UGT1A6: variants seen among roughly 807,000 people sequenced by gnomAD.
UGT1A6 encodes the protein UDP glucuronosyltransferase family 1 member A6.
A neutral mutation model predicts 44.4 loss-of-function variants in UGT1A6; 32 were observed. The observed-to-expected ratio is 0.72, with a 90% CI of 0.54 to 0.97. UGT1A6 has a LOEUF of 0.97. Among genes scored for constraint, UGT1A6 ranks in the 50% least tolerant of loss-of-function variants. The probability of loss-of-function intolerance (pLI) is 0.00; values close to 1 mark genes in which losing one functional copy is unlikely to be tolerated. For missense variants in UGT1A6, 685 were observed against 661.9 expected (o/e 1.03, Z -0.38); for synonymous variants, 238 against 248.5 (o/e 0.96, Z 0.40).
chr2:233,718,172 C>T lies in UGT1A6; in HGVS notation c.861+24307C>T, dbSNP rs559286089. 3.8e-5 allele frequency: 9 copies of T among 238,986 alleles called. No individual in the cohort carries two copies. In the East Asian group the frequency reaches 7.1e-4, roughly 19 times the overall value. 14.8% of individuals were successfully genotyped at this position (238,986 alleles called of 1,614,324 possible). Reference sequence around the variant, plus strand: ...AGCCTTCCCAAGAATATGATCATCACATCTTGAGCTCAGCCTCCCCGGAGC... The same window carrying T: ...AGCCTTCCCAAGAATATGATCATCATATCTTGAGCTCAGCCTCCCCGGAGC... On this transcript the variant is annotated intron_variant, in intron 1 of 4. Transcript: ENST00000305139.
chr2:233,706,240 T>C (rs2125603335), intron 1 of UGT1A6, among the ~76,000 whole-genome samples: 1 of 151,882 alleles, frequency 6.6e-6, no homozygotes, highest in East Asian at 1.9e-4. Context: ...GCTGGGAGAG[T>C]GAGAGAACCA....
At position 233,693,225 on chromosome 2, in the gene UGT1A6, C is replaced by A. The variant is rs750266528; in HGVS notation, c.221C>A (p.Thr74Lys). 6 of 1,614,160 alleles carry A rather than the reference C, an allele frequency of 3.7e-6. No individual in the cohort carries two copies. In the South Asian group the frequency reaches 6.6e-5, roughly 18 times the overall value. ...NLLLKESKYY[T>K]RKIYPVPYDQ... is the part of the protein sequence containing the mutation. ...CTTTTGAAAGAATCCAAATACTACA[C>A]AAGAAAAATCTATCCAGTGCCGTAT... is the stretch of plus-strand genomic sequence containing the variant. The change falls in exon 1 of 5, where the codon ACA (threonine) becomes AAA (lysine). Residue 74 changes from threonine to lysine, a missense_variant. By Grantham distance (78) the Thr-to-Lys change is moderately conservative. Coordinates refer to ENST00000305139, the MANE Select transcript of UGT1A6 (RefSeq NM_001072.4).
intron 1 of UGT1A6, among the ~76,000 whole-genome samples, chr2:233,702,368 CGTAGGATTTT>C (rs1383754925): frequency 6.6e-6 from 1 of 151,930 alleles, no homozygotes; most frequent in African/African-American, 2.4e-5. Context: ...TAGTGGATTT[CGTAGGATTTT>C]CTACATTCCA....
chr2:233,694,576 A>G (rs953285020), intron 1 of UGT1A6, among the ~76,000 whole-genome samples: 9 of 152,212 alleles, frequency 5.9e-5, no homozygotes, highest in Admixed American at 3.9e-4. Flanking sequence ...ATTTCAATGT[A>G]AATATTTACA....
At chr2:233,728,977 G>C (rs1437469513) in intron 1 of UGT1A6, 13 of 1,494,456 alleles carry the variant, frequency 8.7e-6, no homozygotes, top group Admixed American at 2.1e-5. Flanking sequence ...ATAGATTAAT[G>C]GTTAATAATT....
chr2:233,748,418 A>G (rs1693939912), intron 1 of UGT1A6, among the ~76,000 whole-genome samples: 1 of 151,750 alleles, frequency 6.6e-6, no homozygotes, highest in African/African-American at 2.4e-5. Context: ...TTGAGACTTG[A>G]CCCATCTGGA....
intron 1 of UGT1A6, chr2:233,747,970 C>T: frequency 6.2e-7 from 1 of 1,613,476 alleles, no homozygotes; most frequent in Non-Finnish European, 8.5e-7. Context: ...AGCCATGCAT[C>T]TGTGTGGCTG....
chr2:233,715,158 T>G (rs1299357923), intron 1 of UGT1A6, among the ~76,000 whole-genome samples: 2 of 152,186 alleles, frequency 1.3e-5, no homozygotes, highest in Admixed American at 6.5e-5. Context: ...AGTGCTGGAA[T>G]TACAGGCGCG....
At chr2:233,711,625 C>T (rs1317772473) in intron 1 of UGT1A6, among the ~76,000 whole-genome samples, 1 of 152,184 alleles carries the variant, frequency 6.6e-6, no homozygotes, top group Non-Finnish European at 1.5e-5. Context: ...CAGCTCCATT[C>T]GCTGCCTGTC....
At position 233,772,256 on chromosome 2, in the gene UGT1A6, G is replaced by A; in HGVS notation, c.1302-6G>A. ...CCAGGCATAACGAAACTGTCTTTGTGTTTAGTTACAAGGAGAACATCATGC... is the reference window on the plus strand; with the variant it reads ...CCAGGCATAACGAAACTGTCTTTGTATTTAGTTACAAGGAGAACATCATGC... On this transcript the variant is annotated splice_polypyrimidine_tract_variant and splice_region_variant and intron_variant, in intron 4 of 4. Coordinates refer to ENST00000305139, the MANE Select transcript of UGT1A6 (RefSeq NM_001072.4). 1.9e-6 allele frequency: 3 copies of A among 1,614,262 alleles called. No homozygotes were observed. Among genetic ancestry groups the A allele is most frequent in the Non-Finnish European group, 2.5e-6 (3 of 1,180,048 alleles).
chr2:233,772,325 C>A lies in UGT1A6; in HGVS notation c.1365C>A (p.Asp455Glu). 6.2e-7 allele frequency: 1 copy of A among 1,614,136 alleles called. No homozygotes were observed. Among genetic ancestry groups the A allele is most frequent in the Non-Finnish European group, 8.5e-7 (1 of 1,180,020 alleles). ...AGGACCGCCCGGTGGAGCCGCTGGACCTGGCCGTGTTCTGGGTGGAGTTTG... is the reference window on the plus strand; with the variant it reads ...AGGACCGCCCGGTGGAGCCGCTGGAACTGGCCGTGTTCTGGGTGGAGTTTG... ...LHKDRPVEPL[D>E]LAVFWVEFVM... is the part of the protein sequence containing the mutation. Residue 455 changes from aspartate (D) to glutamate (E), a missense_variant, in exon 5 of 5, where the codon GAC (aspartate) becomes GAA (glutamate). Coordinates refer to ENST00000305139, the MANE Select transcript of UGT1A6 (RefSeq NM_001072.4).
chr2:233,772,783 CAGGATGACATGTGCCATTTTTCAG>C lies in UGT1A6; in HGVS notation c.*229_*252del. 7.8e-7 allele frequency: 1 copy of C among 1,277,504 alleles called. No homozygotes were observed. The highest frequency in any genetic ancestry group is 1.0e-6 in the Non-Finnish European group (1 of 966,400). 79.1% of individuals were successfully genotyped at this position (1,277,504 alleles called of 1,614,324 possible). On this transcript the variant is annotated 3_prime_UTR_variant, in exon 5 of 5. Transcript: ENST00000305139. ...TCGTGCCCCCTCTGGTGTCTTTGAT[CAGGATGACATGTGCCATTTTTCAG>C]AGGACGTGCAGACAGGCTGGCATTC... is the stretch of plus-strand genomic sequence containing the variant.
chr2:233,716,165 T>C (rs990083164), intron 1 of UGT1A6, among the ~76,000 whole-genome samples: 2 of 152,214 alleles, frequency 1.3e-5, no homozygotes, highest in Non-Finnish European at 2.9e-5. Flanking sequence ...GGAGATGCAG[T>C]GCAGCATCTT....
chr2:233,704,913 C>T (rs575509473), intron 1 of UGT1A6, among the ~76,000 whole-genome samples: 23 of 152,088 alleles, frequency 1.5e-4, no homozygotes, highest in Non-Finnish European at 2.9e-4. Flanking sequence ...GCAGGTGGAT[C>T]ACCTGAGACC....
In UGT1A6 at chr2:233,757,560, A is replaced by ATATG. The variant is rs904896556; in HGVS notation, c.862-9473_862-9472insATGT. On this transcript the variant is annotated intron_variant, in intron 1 of 4. Transcript: ENST00000305139. The stretch of plus-strand genomic sequence containing the variant: ...AATATATATATATATATATATATAT[A>ATATG]TGTATATATGATATAGCTATAGTCT... 2.4e-4 allele frequency among the ~76,000 whole-genome samples: 29 copies of ATATG among 123,152 alleles called. 1 individual carries two copies. The highest frequency in any genetic ancestry group is 9.5e-4 in the African/African-American group (28 of 29,358). 80.8% of individuals were successfully genotyped at this position (123,152 alleles called of 152,430 possible). A position where few individuals can be genotyped will look rare whatever the true frequency, so the allele number is the denominator to read the frequency against.
rs1218307967 is a variant in UGT1A6 at position 233,768,238 on chromosome 2, C to G, written c.1100C>G (p.Ala367Gly). 1.2e-6 allele frequency: 2 copies of G among 1,614,074 alleles called. No homozygotes were observed. The highest frequency in any genetic ancestry group is 1.6e-4 in the Middle Eastern group (1 of 6,084). The change falls in exon 4 of 5, where the codon GCC becomes GGC. Residue 367 changes from alanine (A) to glycine (G), a missense_variant. Coordinates refer to ENST00000305139, the MANE Select transcript of UGT1A6 (RefSeq NM_001072.4). ...NDLLGHPMTR[A>G]FITHAGSHGV... Reference sequence around the variant, plus strand: ...ATCTCAGGTCACCCGATGACCCGTGCCTTTATCACCCATGCTGGTTCCCAT... The same window carrying G: ...ATCTCAGGTCACCCGATGACCCGTGGCTTTATCACCCATGCTGGTTCCCAT...
intron 1 of UGT1A6, among the ~76,000 whole-genome samples, chr2:233,720,963 G>A (rs547406331): frequency 4.6e-4 from 69 of 150,328 alleles, no homozygotes; most frequent in African/African-American, 7.4e-4. Flanking sequence ...TGCCCGCCTC[G>A]GCCTCCCAAA....
At chr2:233,733,871 G>T (rs1394272645) in intron 1 of UGT1A6, among the ~76,000 whole-genome samples, 1 of 152,036 alleles carries the variant, frequency 6.6e-6, no homozygotes, top group Non-Finnish European at 1.5e-5. Flanking sequence ...AATAGTTTCA[G>T]AAGGAATGGT....
intron 1 of UGT1A6, chr2:233,750,715 C>G (rs1487132434): frequency 6.6e-6 from 1 of 151,920 alleles, no homozygotes; most frequent in Non-Finnish European, 1.5e-5. Context: ...AGAGCTCAGG[C>G]CATTGCTTCA....
Sources: gnomAD v4.1 joint callset for allele counts (sites outside exome capture counted in the v4.1 genomes callset) on GRCh38, gnomAD v4.1.1 for gene constraint, MANE v1.5 for transcripts, NCBI Gene and HGNC (gene_info 2026-07-23, HGNC 2026-07-21) for gene names.